Variants in CD96 observed in about 807,000 individuals in gnomAD.
The protein encoded by CD96 is T-cell surface protein tactile.
CD96 carries 70 observed loss-of-function variants against 71.3 expected under a neutral mutation model. That is an observed-to-expected ratio of 0.98 (90% CI 0.81 to 1.20). The LOEUF is 1.20. Ranked by LOEUF, CD96 falls within the 50% of genes most tolerant of loss-of-function variation. The pLI is 0.00. For missense variants in CD96, 742 were observed against 677.5 expected, an observed-to-expected ratio of 1.10 and a Z score of -1.06; for synonymous variants, 248 against 233.0, an observed-to-expected ratio of 1.06 and a Z score of -0.59.
chr3:111,624,295 G>GA lies in CD96; in HGVS notation c.1250-32dup, dbSNP rs764939235. On this transcript the variant is annotated intron_variant, in intron 9 of 13. Transcript: ENST00000352690. Reference sequence around the variant, plus strand: ...AAAGCAAAGTTAAATTACAGCTTTCGAAAAAAGCTGGATTCTGAAAATAAT... The same window carrying GA: ...AAAGCAAAGTTAAATTACAGCTTTCGAAAAAAAGCTGGATTCTGAAAATAAT... The GA allele has an allele frequency of 2.0e-3, 2,896 of 1,415,312 alleles. 12 individuals carry two copies. Among genetic ancestry groups the GA allele is most frequent in the Middle Eastern group, 3.2e-3 (18 of 5,706 alleles). The allele number at this position is 1,415,312 out of a possible 1,614,324, so 87.7% of individuals were successfully genotyped here. A position where few individuals can be genotyped will look rare whatever the true frequency, so the allele number is the denominator to read the frequency against.
At chr3:111,640,199 G>C (rs1939526785) in intron 12 of CD96, among the ~76,000 whole-genome samples, 1 of 152,100 alleles carries the variant, frequency 6.6e-6, no homozygotes, top group South Asian at 2.1e-4. Flanking sequence ...AGGGACCAGA[G>C]AAAGGCGAAG....
rs184457242 is a variant in CD96 at position 111,592,035 on chromosome 3, G to A, written c.808-6085G>A. Reference sequence around the variant, plus strand: ...ACTTGGGCTATCTCTGAGATAATGGGATGCTGTCTTTATCTATTCCTGTCT... The same window carrying A: ...ACTTGGGCTATCTCTGAGATAATGGAATGCTGTCTTTATCTATTCCTGTCT... On this transcript the variant is annotated intron_variant, in intron 5 of 13. Coordinates refer to ENST00000352690, the MANE Select transcript of CD96 (RefSeq NM_005816.5). Among the ~76,000 whole-genome samples the A allele has an allele frequency of 1.4e-4, 22 of 152,224 alleles. No individual in the cohort carries two copies. The East Asian group carries it at 4.1e-3, about 28-fold the overall frequency.
At chr3:111,626,162 G>C (rs778262044) in intron 10 of CD96, among the ~76,000 whole-genome samples, 2 of 151,878 alleles carry the variant, frequency 1.3e-5, no homozygotes, top group African/African-American at 4.8e-5. Flanking sequence ...TTAGCCAGGC[G>C]TGGTGGTGGG....
intron 7 of CD96, among the ~76,000 whole-genome samples, chr3:111,604,516 T>C (rs975561428): frequency 3.3e-5 from 5 of 152,234 alleles, no homozygotes; most frequent in African/African-American, 9.6e-5. Flanking sequence ...CCACATTTTA[T>C]GTGGAAAGCT....
intron 3 of CD96, among the ~76,000 whole-genome samples, chr3:111,568,237 A>G (rs1001943205): frequency 7.9e-5 from 12 of 152,178 alleles, no homozygotes; most frequent in Non-Finnish European, 1.6e-4. Context: ...CAAAAAACAG[A>G]CAAACAAACA....
intron 2 of CD96, among the ~76,000 whole-genome samples, chr3:111,566,032 A>G (rs981351761): frequency 6.7e-6 from 1 of 149,058 alleles, no homozygotes; most frequent in Non-Finnish European, 1.5e-5. Flanking sequence ...ATATATATTT[A>G]TATATATAAT....
At chr3:111,628,535 C>T (rs961797516) in intron 10 of CD96, among the ~76,000 whole-genome samples, 4 of 152,164 alleles carry the variant, frequency 2.6e-5, no homozygotes, top group Admixed American at 2.0e-4. Context: ...TGCAATGAGA[C>T]TGAATCTATG....
At chr3:111,563,664 A>G (rs1430971101) in intron 2 of CD96, among the ~76,000 whole-genome samples, 1 of 152,180 alleles carries the variant, frequency 6.6e-6, no homozygotes, top group African/African-American at 2.4e-5. Flanking sequence ...CATAACCAGA[A>G]GTCTCTCATT....
At position 111,638,168 on chromosome 3, in the gene CD96, G is replaced by A; in HGVS notation, c.1477G>A (p.Gly493Ser). The A allele has an allele frequency of 6.4e-7, 1 of 1,560,500 alleles. No individual in the cohort carries two copies. The highest frequency in any genetic ancestry group is 8.8e-7 in the Non-Finnish European group (1 of 1,131,278). Residue 493 changes from glycine to serine, a missense_variant and splice_region_variant, in exon 12 of 14, where the codon GGT (glycine) becomes AGT (serine). Transcript: ENST00000352690. Reference protein sequence around the residue: ...STKTNHVHITGIVVNKPKDGM... With the variant: ...STKTNHVHITSIVVNKPKDGM... ...GAAAACTAATCACGTCCATATCACT[G>A]GTAAGTCATTTATCCTATTTTGGGG...
At chr3:111,549,502 G>A (rs947178729) in intron 2 of CD96, among the ~76,000 whole-genome samples, 1 of 152,146 alleles carries the variant, frequency 6.6e-6, no homozygotes, top group African/African-American at 2.4e-5. Context: ...TGTGGTTCAA[G>A]TGTAGAGAAT....
chr3:111,659,152 A>G (rs1940298371), intron 14 of CD96, among the ~76,000 whole-genome samples: 1 of 151,998 alleles, frequency 6.6e-6, no homozygotes, highest in South Asian at 2.1e-4. Context: ...TTTCCTCTAG[A>G]TTTTCTAACT....
intron 12 of CD96, among the ~76,000 whole-genome samples, chr3:111,640,864 A>G (rs1939557203): frequency 6.6e-6 from 1 of 152,230 alleles, no homozygotes; most frequent in Non-Finnish European, 1.5e-5. Context: ...ATTTTTAGCC[A>G]AGAATTTTGT....
intron 4 of CD96, among the ~76,000 whole-genome samples, chr3:111,581,931 G>A (rs868107925): frequency 7.2e-5 from 11 of 152,148 alleles, no homozygotes; most frequent in African/African-American, 2.7e-4. Context: ...AGTCAGGGAA[G>A]GGAAGGAAGA....
chr3:111,560,356 C>G lies in CD96; in HGVS notation c.419-7167C>G, dbSNP rs1332504772. Among the ~76,000 whole-genome samples the G allele has an allele frequency of 3.2e-4, 48 of 151,888 alleles. No individual in the cohort carries two copies. In the South Asian group the frequency reaches 9.9e-3, roughly 31 times the overall value. ...TTGCAGCAGCTGGTACCAGTTGTTC[C>G]TTTCCATGTTTAGCGCTTCCTTCAG... On this transcript the variant is annotated intron_variant, in intron 2 of 13. Transcript: ENST00000352690.
intron 4 of CD96, among the ~76,000 whole-genome samples, chr3:111,583,917 A>G (rs1936584737): frequency 6.6e-6 from 1 of 152,200 alleles, no homozygotes; most frequent in African/African-American, 2.4e-5. Flanking sequence ...GATTAACATT[A>G]GGCTCCTTCC....
intron 3 of CD96, among the ~76,000 whole-genome samples, chr3:111,576,445 T>C (rs1336424483): frequency 1.3e-5 from 2 of 152,222 alleles, no homozygotes; most frequent in Non-Finnish European, 2.9e-5. Flanking sequence ...ACAACTCACA[T>C]GAAAGGTTCT....
intron 8 of CD96, among the ~76,000 whole-genome samples, chr3:111,620,540 T>C (rs1237071810): frequency 6.6e-6 from 1 of 152,174 alleles, no homozygotes; most frequent in Non-Finnish European, 1.5e-5. Context: ...TGAGGTCCCA[T>C]AGTAAAGGGG....
intron 10 of CD96, among the ~76,000 whole-genome samples, chr3:111,635,524 T>TACAG (rs1939285560): frequency 1.3e-5 from 2 of 152,230 alleles, no homozygotes; most frequent in East Asian, 3.8e-4. Flanking sequence ...AATTTGTAAT[T>TACAG]GTGCTGATGG....
chr3:111,543,532 G>A lies in CD96; in HGVS notation c.61+1223G>A, dbSNP rs140033392. ...CTAATCAACTAGACTGAATTTGGGA[G>A]ACAGTTTGGAAGTTATGTGGAAGGA... is the stretch of plus-strand genomic sequence containing the variant. On this transcript the variant is annotated intron_variant, in intron 1 of 13. Coordinates refer to ENST00000352690, the MANE Select transcript of CD96 (RefSeq NM_005816.5). Among the ~76,000 whole-genome samples the A allele has an allele frequency of 4.4e-3, 673 of 152,250 alleles. 6 individuals carry two copies. The highest frequency in any genetic ancestry group is 0.015 in the African/African-American group (612 of 41,560).
Sources: gnomAD v4.1 joint callset for allele counts (sites outside exome capture counted in the v4.1 genomes callset) on GRCh38, gnomAD v4.1.1 for gene constraint, MANE v1.5 for transcripts, NCBI Gene and HGNC (gene_info 2026-07-23, HGNC 2026-07-21) for gene names.